HUWE1: variants seen among roughly 807,000 people sequenced by gnomAD.
The protein encoded by HUWE1 is E3 ubiquitin-protein ligase HUWE1.
HUWE1 carries 18 observed loss-of-function variants against 299.4 expected under a neutral mutation model. The observed-to-expected ratio is 0.06, with a 90% CI of 0.04 to 0.09. HUWE1 has a LOEUF of 0.09. HUWE1 is among the 10% of genes least tolerant of loss of function. The pLI is 1.00. For missense variants in HUWE1, 1,832 were observed against 3,462.3 expected, an observed-to-expected ratio of 0.53 and a Z score of 11.82; for synonymous variants, 1,317 against 1,286.1, an observed-to-expected ratio of 1.02 and a Z score of -0.51.
chrX:53,599,712 C>T (rs1292305319), intron 29 of HUWE1, among the ~76,000 whole-genome samples: 1 of 112,208 alleles, frequency 8.9e-6, no homozygotes, highest in Non-Finnish European at 1.9e-5. Context: ...ATAACACAAG[C>T]ACCAAAGGAA....
chrX:53,590,889 A>G (rs1556978239), intron 34 of HUWE1, 111 bp downstream of exon 34: 9 of 954,423 alleles, frequency 9.4e-6, no homozygotes, highest in Non-Finnish European at 1.3e-5. Context: ...CATGTCTGAA[A>G]ATGAGAAGCA....
Position 53,550,654 on chromosome X carries a change from A to T in HUWE1, c.9488+12T>A. The T allele has an allele frequency of 8.4e-7, 1 of 1,196,301 alleles. No homozygotes were observed. The highest frequency in any genetic ancestry group is 1.1e-6 in the Non-Finnish European group (1 of 881,856). On this transcript the variant is annotated intron_variant, in intron 66 of 83. Transcript: ENST00000262854. The stretch of plus-strand genomic sequence containing the variant: ...AGTGGTGATATGGTAAGGTAAAAAT[A>T]GACAAAGGTACCTGTTATGGCTGCT...
chrX:53,546,832 G>A lies in HUWE1; in HGVS notation c.10637-7C>T, dbSNP rs1218610579. The A allele has an allele frequency of 8.3e-6, 10 of 1,200,952 alleles. No homozygotes were observed. In the Middle Eastern group the frequency reaches 7.7e-4, roughly 93 times the overall value. ...CCCTTAGTAGTGGGAGAAACTTTGA[G>A]GAAACAGACAGAACACTGTAAGCCT... On this transcript the variant is annotated splice_region_variant and splice_polypyrimidine_tract_variant and intron_variant, in intron 68 of 83. Transcript: ENST00000262854.
intron 67 of HUWE1, 49 bp downstream of exon 67, chrX:53,548,910 T>A: frequency 1.8e-6 from 2 of 1,095,797 alleles, no homozygotes; most frequent in Non-Finnish European, 2.5e-6. Flanking sequence ...ACCCAGGCTC[T>A]TGCTGCCACC....
intron 43 of HUWE1, among the ~76,000 whole-genome samples, chrX:53,579,309 G>A (rs1165748710): frequency 9.9e-5 from 9 of 91,059 alleles, no homozygotes; most frequent in Middle Eastern, 7.2e-3. Context: ...CAGCCGCCCC[G>A]TCCGGGAGGG....
chrX:53,571,479 T>C (rs1336266024), intron 47 of HUWE1, among the ~76,000 whole-genome samples: 1 of 110,804 alleles, frequency 9.0e-6, no homozygotes, highest in African/African-American at 3.3e-5. Context: ...CATGTGCCTA[T>C]AGGTCCCAGC....
chrX:53,573,601 C>G (rs1053678593), intron 47 of HUWE1, 149 bp downstream of exon 47: 1 of 515,810 alleles, frequency 1.9e-6, no homozygotes, highest in African/African-American at 2.3e-5. Context: ...AGCCACCGCA[C>G]CCGGCCTTGC....
chrX:53,541,428 A>G (rs1457786036), intron 74 of HUWE1, among the ~76,000 whole-genome samples: 4 of 110,163 alleles, frequency 3.6e-5, no homozygotes, highest in Non-Finnish European at 7.6e-5. Flanking sequence ...TCTCTACTAA[A>G]AATACAAAAA....
intron 78 of HUWE1, 74 bp downstream of exon 78, chrX:53,537,482 A>G (rs1281772932): frequency 9.2e-7 from 1 of 1,083,498 alleles, no homozygotes; most frequent in Admixed American, 2.3e-5. Flanking sequence ...ATTTGAGGCT[A>G]GAGCAAGCCA....
At chrX:53,566,133 G>GTGTGTGTATATATATA (rs782815282) in intron 49 of HUWE1, among the ~76,000 whole-genome samples, 1 of 38,971 alleles carries the variant, frequency 2.6e-5, no homozygotes, top group Non-Finnish European at 4.7e-5. Flanking sequence ...GTGTGTGTGT[G>GTGTGTGTATATATATA]TATATATATA....
In HUWE1 at chrX:53,569,011, G is replaced by A. The variant is rs2062697336; in HGVS notation, c.6525-137C>T. The stretch of plus-strand genomic sequence containing the variant: ...AAATAACATCTAAACAAACAGGTGA[G>A]AACACACTCCCTAAGGTGATAGCAT... On this transcript the variant is annotated intron_variant, in intron 48 of 83. Transcript: ENST00000262854. The A allele has an allele frequency of 9.7e-6, 5 of 515,821 alleles. No individual in the cohort carries two copies. The South Asian group carries it at 1.1e-4, about 12-fold the overall frequency. 42.5% of individuals were successfully genotyped at this position (515,821 alleles called of 1,213,427 possible).
rs782572488 is a variant in HUWE1 at position 53,538,726 on chromosome X, T to A, written c.11878+109A>T. 2.2e-3 allele frequency: 1,321 copies of A among 592,467 alleles called. 17 individuals are homozygous for A. The African/African-American group carries it at 0.03, about 13-fold the overall frequency. 48.8% of individuals were successfully genotyped at this position (592,467 alleles called of 1,213,427 possible). A position where few individuals can be genotyped will look rare whatever the true frequency, so the allele number is the denominator to read the frequency against. ...CACACACACACACACACACACACACTCTCTCTCTCTCTCTCTCTCTCTCTC... is the reference window on the plus strand; with the variant it reads ...CACACACACACACACACACACACACACTCTCTCTCTCTCTCTCTCTCTCTC... On this transcript the variant is annotated intron_variant, in intron 76 of 83. Transcript: ENST00000262854.
intron 30 of HUWE1, 24 bp downstream of exon 30, chrX:53,595,163 C>T (rs2064392483): frequency 1.3e-5 from 15 of 1,147,047 alleles, no homozygotes; most frequent in Non-Finnish European, 1.8e-5. Context: ...CTTTCTAGTC[C>T]CTGAATCTCA....
chrX:53,685,682 CTG>C (rs1482792636), intron 2 of HUWE1, among the ~76,000 whole-genome samples: 4 of 111,851 alleles, frequency 3.6e-5, no homozygotes, highest in African/African-American at 6.5e-5. Context: ...GTTGGCATAA[CTG>C]TGGAAAAATA....
At chrX:53,559,258 G>A in intron 57 of HUWE1, 96 bp downstream of exon 57, 2 of 990,486 alleles carry the variant, frequency 2.0e-6, no homozygotes, top group Non-Finnish European at 2.9e-6. Flanking sequence ...TATAAAATGG[G>A]GGTTTTCTAT....
intron 5 of HUWE1, 90 bp from the exon 6 acceptor site, chrX:53,647,664 G>A: frequency 1.5e-6 from 1 of 676,610 alleles, no homozygotes; most frequent in Middle Eastern, 4.6e-4. Flanking sequence ...AGAGATTGCT[G>A]AGCATGACAC....
chrX:53,580,848 G>T lies in HUWE1; in HGVS notation c.5699C>A (p.Pro1900His). 8.3e-7 allele frequency: 1 copy of T among 1,211,352 alleles called. No individual in the cohort carries two copies. The highest frequency in any genetic ancestry group is 1.1e-6 in the Non-Finnish European group (1 of 895,284). The change falls in exon 43 of 84, where the codon CCT becomes CAT. Residue 1900 changes from proline to histidine, a missense_variant. Physicochemically the swap from Pro to His is moderately conservative, Grantham distance 77. Coordinates refer to ENST00000262854, the MANE Select transcript of HUWE1 (RefSeq NM_031407.7). ...NCCIRIALPA[P>H]RGSGTASDDE... ...AAACTTACCAGTTCCTGAGCCTCGA[G>T]GGGCAGGAAGGGCGATGCGGATACA...
intron 2 of HUWE1, chrX:53,680,744 T>C (rs1174107509): frequency 8.9e-6 from 1 of 112,293 alleles, no homozygotes; most frequent in Non-Finnish European, 1.9e-5. Flanking sequence ...ATTCCCAGAT[T>C]TATTCTATTG....
chrX:53,608,626 T>C (rs2065273843), intron 24 of HUWE1, among the ~76,000 whole-genome samples: 1 of 111,405 alleles, frequency 9.0e-6, no homozygotes, highest in Admixed American at 9.5e-5. Flanking sequence ...TAATGGAGAA[T>C]GGTAACAGTG....
Sources: gnomAD v4.1 joint callset for allele counts (sites outside exome capture counted in the v4.1 genomes callset) on GRCh38, gnomAD v4.1.1 for gene constraint, MANE v1.5 for transcripts, NCBI Gene and HGNC (gene_info 2026-07-23, HGNC 2026-07-21) for gene names.